MTUS2: variants seen among roughly 807,000 people sequenced by gnomAD.
MTUS2 encodes the protein microtubule-associated tumor suppressor candidate 2.
MTUS2 carries 40 observed loss-of-function variants against 114.1 expected under a neutral mutation model. That is an observed-to-expected ratio of 0.35 (90% CI 0.27 to 0.46). MTUS2 has a LOEUF of 0.46. Ranked by LOEUF, MTUS2 falls within the 20% of genes least tolerant of loss-of-function variation. MTUS2 has a pLI of 1.00. For missense variants in MTUS2, 1,679 were observed against 1,705.4 expected, an observed-to-expected ratio of 0.98 and a Z score of 0.27; for synonymous variants, 688 against 672.0, an observed-to-expected ratio of 1.02 and a Z score of -0.37.
chr13:29,390,910 A>G (rs112656275), intron 8 of MTUS2, among the ~76,000 whole-genome samples: 5,863 of 150,784 alleles, frequency 0.039, 403 homozygotes, highest in African/African-American at 0.14. Flanking sequence ...AGCCTCTGGA[A>G]TAGCTGGGAC....
At chr13:29,129,482 T>G (rs78694276) in intron 5 of MTUS2, among the ~76,000 whole-genome samples, 4,805 of 152,336 alleles carry the variant, frequency 0.032, 113 homozygotes, top group South Asian at 0.049. Flanking sequence ...TTCATATCAT[T>G]GTTGTTTAAA....
rs1018762594 is a variant in MTUS2 at position 29,038,628 on chromosome 13, A to C, written c.2446+4503A>C. On this transcript the variant is annotated intron_variant, in intron 4 of 15. Transcript: ENST00000612955. Reference sequence around the variant, plus strand: ...CAGGCAGGAATGTTTAAGTCTGCTGAAGCTGCACCCACAGCTGCCCCATCC... The same window carrying C: ...CAGGCAGGAATGTTTAAGTCTGCTGCAGCTGCACCCACAGCTGCCCCATCC... 2.6e-5 allele frequency among the ~76,000 whole-genome samples: 4 copies of C among 152,200 alleles called. No individual in the cohort carries two copies. In the East Asian group the frequency reaches 7.7e-4, roughly 29 times the overall value.
intron 5 of MTUS2, among the ~76,000 whole-genome samples, chr13:29,201,377 A>G (rs1356591287): frequency 3.3e-5 from 5 of 150,310 alleles, no homozygotes; most frequent in East Asian, 3.9e-4. Context: ...AAATTCCTCA[A>G]TTTTTTTGTT....
chr13:29,178,724 C>T (rs941888456), intron 5 of MTUS2, among the ~76,000 whole-genome samples: 3 of 151,724 alleles, frequency 2.0e-5, no homozygotes, highest in African/African-American at 7.3e-5. Flanking sequence ...GTATTTAAGA[C>T]ATTCTAATTT....
intron 2 of MTUS2, among the ~76,000 whole-genome samples, chr13:28,911,583 G>C (rs760582926): frequency 2.7e-4 from 41 of 151,832 alleles, no homozygotes; most frequent in Non-Finnish European, 5.4e-4. Flanking sequence ...TTGCCACACT[G>C]TCTTCCACAA....
At chr13:29,169,475 A>G (rs919781445) in intron 5 of MTUS2, among the ~76,000 whole-genome samples, 2 of 152,206 alleles carry the variant, frequency 1.3e-5, no homozygotes, top group Non-Finnish European at 2.9e-5. Flanking sequence ...AGCTTTTACC[A>G]GAAAAATAAG....
chr13:29,313,849 G>T (rs1027973785), intron 6 of MTUS2, among the ~76,000 whole-genome samples: 1 of 152,148 alleles, frequency 6.6e-6, no homozygotes, highest in Non-Finnish European at 1.5e-5. Flanking sequence ...CTGAGATTTA[G>T]AATAGCATCA....
At chr13:29,097,580 C>T (rs138730404) in intron 4 of MTUS2, among the ~76,000 whole-genome samples, 3 of 152,230 alleles carry the variant, frequency 2.0e-5, no homozygotes, top group African/African-American at 7.2e-5. Context: ...TAGTTCCAGC[C>T]GTATAACAAA....
intron 6 of MTUS2, chr13:29,307,532 C>T (rs1484358285): frequency 3.2e-5 from 41 of 1,262,672 alleles, no homozygotes; most frequent in Non-Finnish European, 4.6e-5. Context: ...CTTGAAAAAC[C>T]TGCCAAATAT....
At chr13:29,030,827 A>C (rs1432202655) in intron 3 of MTUS2, among the ~76,000 whole-genome samples, 3 of 152,192 alleles carry the variant, frequency 2.0e-5, no homozygotes, top group South Asian at 4.1e-4. Flanking sequence ...GTTACATAGC[A>C]TGGGTAGAAG....
chr13:28,939,957 C>T (rs1035952173), intron 2 of MTUS2, among the ~76,000 whole-genome samples: 1 of 152,116 alleles, frequency 6.6e-6, no homozygotes, highest in Non-Finnish European at 1.5e-5. Context: ...GGGGAACTCT[C>T]CTTTATAAAA....
intron 7 of MTUS2, among the ~76,000 whole-genome samples, chr13:29,340,114 C>T (rs1358531824): frequency 6.6e-6 from 1 of 152,226 alleles, no homozygotes; most frequent in Non-Finnish European, 1.5e-5. Context: ...TCCGCACGGG[C>T]CAGGCCGGTG....
At chr13:29,472,827 G>A (rs1469082332) in intron 9 of MTUS2, among the ~76,000 whole-genome samples, 2 of 152,178 alleles carry the variant, frequency 1.3e-5, no homozygotes, top group Non-Finnish European at 2.9e-5. Context: ...ATGTTAGGTA[G>A]GAAGACATGG....
intron 5 of MTUS2, among the ~76,000 whole-genome samples, chr13:29,141,861 A>ATT (rs370911804): frequency 1.4e-4 from 20 of 142,368 alleles, no homozygotes; most frequent in African/African-American, 2.6e-4. Context: ...TGGGGATCTA[A>ATT]TTTTTTTTTT....
At chr13:29,129,925 A>C (rs1486983203) in intron 5 of MTUS2, among the ~76,000 whole-genome samples, 2 of 151,812 alleles carry the variant, frequency 1.3e-5, no homozygotes, top group Non-Finnish European at 2.9e-5. Flanking sequence ...TTATTTTTAC[A>C]CTTAGGTGAA....
intron 2 of MTUS2, among the ~76,000 whole-genome samples, chr13:28,846,686 T>C (rs1875908239): frequency 6.6e-6 from 1 of 152,212 alleles, no homozygotes; most frequent in African/African-American, 2.4e-5. Flanking sequence ...AAAGTAGTCT[T>C]TCATTTAGGA....
intron 8 of MTUS2, among the ~76,000 whole-genome samples, chr13:29,378,912 G>A (rs560367024): frequency 2.0e-5 from 3 of 152,214 alleles, no homozygotes; most frequent in Admixed American, 6.5e-5. Context: ...GTTGGGGGAG[G>A]GACCTCATTG....
intron 7 of MTUS2, among the ~76,000 whole-genome samples, chr13:29,352,230 A>T (rs1869352017): frequency 1.3e-5 from 2 of 152,306 alleles, no homozygotes; most frequent in South Asian, 4.1e-4. Flanking sequence ...TTCTTCTGTG[A>T]AATGGAAATT....
chr13:29,426,660 A>T (rs1009648200), intron 8 of MTUS2, among the ~76,000 whole-genome samples: 3 of 152,246 alleles, frequency 2.0e-5, no homozygotes, highest in Non-Finnish European at 4.4e-5. Flanking sequence ...TATTTCACTT[A>T]ACATGATATC....
Sources: allele counts gnomAD v4.1 joint callset (sites outside exome capture counted in the v4.1 genomes callset), GRCh38; gene constraint gnomAD v4.1.1; transcripts MANE v1.5; gene names NCBI Gene and HGNC (gene_info 2026-07-23, HGNC 2026-07-21).